Variants in POLR3F observed in about 807,000 individuals in gnomAD.
POLR3F encodes RNA polymerase III subunit F.
POLR3F carries 31 observed loss-of-function variants against 43.6 expected under a neutral mutation model. That is an observed-to-expected ratio of 0.71 (90% confidence interval 0.53 to 0.96). The LOEUF is 0.96. Among genes scored for constraint, POLR3F ranks in the 40% least tolerant of loss-of-function variants. POLR3F has a pLI of 0.00. For missense variants in POLR3F, 316 were observed against 391.7 expected (o/e 0.81, Z 1.63); for synonymous variants, 114 against 132.5 (o/e 0.86, Z 0.96).
chr20:18,482,904 A>G (rs2059818041), intron 8 of POLR3F, among the ~76,000 whole-genome samples: 1 of 152,208 alleles, frequency 6.6e-6, no homozygotes, highest in Non-Finnish European at 1.5e-5. Context: ...TAAGTCATTC[A>G]TATGTATAGG....
chr20:18,477,169 T>G (rs1207764450), intron 5 of POLR3F, among the ~76,000 whole-genome samples: 2 of 151,430 alleles, frequency 1.3e-5, no homozygotes, highest in Non-Finnish European at 2.9e-5. Flanking sequence ...GACATACAGA[T>G]GGCAGATAAG....
intron 4 of POLR3F, among the ~76,000 whole-genome samples, chr20:18,474,734 C>G (rs1177100137): frequency 6.6e-6 from 1 of 152,076 alleles, no homozygotes; most frequent in African/African-American, 2.4e-5. Flanking sequence ...GTTGGCCAGG[C>G]TGGTCTCAAA....
rs749125346 is a variant in POLR3F, at chr20:18,480,118, G to A, written c.510G>A (p.Gln170=). 8.7e-6 allele frequency: 14 copies of A among 1,612,634 alleles called. No individual in the cohort carries two copies. In the South Asian group the frequency reaches 1.5e-4, roughly 18 times the overall value. Residue 170 remains glutamine (Q), a synonymous_variant, in exon 6 of 9, where the codon CAG becomes CAA. Coordinates refer to ENST00000377603, the MANE Select transcript of POLR3F (RefSeq NM_006466.4). ...CTGGTGGAGCCTGGTACAGTGACCA[G>A]GATTTTGAATCTGAATTTGTAGAGG... The part of the protein sequence containing the change: ...SVTGGAWYSD[Q]DFESEFVEVL...
chr20:18,481,647 C>T lies in POLR3F; in HGVS notation c.710C>T (p.Thr237Ile). Residue 237 changes from threonine (T) to isoleucine (I), a missense_variant, in exon 8 of 9, where the codon ACC (threonine) becomes ATC (isoleucine). Around this residue, in one of 3 missense-constraint regions of POLR3F, gnomAD observed 109 missense variants for 177.7 expected, o/e 0.61. Transcript: ENST00000377603. ...GAGTTATCCATGGAAGACATTGAAA[C>T]CATCCTGAATACACTCATTTATGAT... The part of the protein sequence containing the change: ...KVELSMEDIE[T>I]ILNTLIYDGK... 6.2e-7 allele frequency: 1 copy of T among 1,612,128 alleles called. No individual in the cohort carries two copies. Among genetic ancestry groups the T allele is most frequent in the Non-Finnish European group, 8.5e-7 (1 of 1,178,198 alleles).
In POLR3F at chr20:18,475,113, C is replaced by A; in HGVS notation, c.355C>A (p.Pro119Thr). The A allele has an allele frequency of 6.5e-7, 1 of 1,527,716 alleles. No individual in the cohort carries two copies. The highest frequency in any genetic ancestry group is 9.1e-7 in the Non-Finnish European group (1 of 1,102,468). 94.6% of individuals were successfully genotyped at this position (1,527,716 alleles called of 1,614,324 possible). ...SRDIRYKSNL[P>T]LTEINKILKN... ...AGATATCCGCTATAAAAGTAATTTG[C>A]CATTAACAGAAATCAACAAAATTCT... is the stretch of plus-strand genomic sequence containing the variant. Residue 119 changes from proline (P) to threonine (T), a missense_variant, in exon 5 of 9, where the codon CCA becomes ACA. Transcript: ENST00000377603.
chr20:18,470,315 C>T (rs2059742406), intron 2 of POLR3F, among the ~76,000 whole-genome samples: 1 of 152,182 alleles, frequency 6.6e-6, no homozygotes, highest in Non-Finnish European at 1.5e-5. Flanking sequence ...TTAAACCTTT[C>T]CCATCAATTT....
Position 18,469,022 on chromosome 20 carries a change from C to G in POLR3F, c.141C>G (p.Ala47=). The G allele has an allele frequency of 6.3e-7, 1 of 1,592,904 alleles. No homozygotes were observed. The highest frequency in any genetic ancestry group is 8.6e-7 in the Non-Finnish European group (1 of 1,160,652). Reference sequence around the variant, plus strand: ...AGAATGAAATGCCTCATATAGAAGCCCAGCAGCGGGCAGTAGCCATCAATA... The same window carrying G: ...AGAATGAAATGCCTCATATAGAAGCGCAGCAGCGGGCAGTAGCCATCAATA... The part of the protein sequence containing the change: ...VIQNEMPHIE[A]QQRAVAINRL... The change falls in exon 2 of 9, where the codon GCC becomes GCG. Residue 47 remains alanine (A), a synonymous_variant. Transcript: ENST00000377603.
At position 18,467,418 on chromosome 20, in the gene POLR3F, G is replaced by T; in HGVS notation, c.-89G>T. On this transcript the variant is annotated 5_prime_UTR_variant, in exon 1 of 9. Transcript: ENST00000377603. ...GAAGGCCCCTCGGCCTCAGCAGAGC[G>T]CTATCCTCCACTGGTTCCCCGGGTT... 1 of 1,427,774 alleles carries T rather than the reference G, an allele frequency of 7.0e-7. No individual in the cohort carries two copies. Among genetic ancestry groups the T allele is most frequent in the Non-Finnish European group, 9.9e-7 (1 of 1,012,744 alleles). 88.4% of individuals were successfully genotyped at this position (1,427,774 alleles called of 1,614,324 possible).
At chr20:18,471,610 C>T (rs895881402) in intron 2 of POLR3F, among the ~76,000 whole-genome samples, 6 of 152,174 alleles carry the variant, frequency 3.9e-5, no homozygotes, top group African/African-American at 9.7e-5. Context: ...TTTGCCACTT[C>T]GTGGGGTCAG....
chr20:18,479,093 T>C (rs901576415), intron 5 of POLR3F, among the ~76,000 whole-genome samples: 3 of 148,782 alleles, frequency 2.0e-5, no homozygotes, highest in Non-Finnish European at 4.5e-5. Flanking sequence ...TGCAGTAAGC[T>C]GAGATCGTGT....
At chr20:18,478,914 G>A (rs1003375683) in intron 5 of POLR3F, among the ~76,000 whole-genome samples, 2 of 151,930 alleles carry the variant, frequency 1.3e-5, no homozygotes, top group Non-Finnish European at 2.9e-5. Context: ...AGGCCAAGGA[G>A]GGTGGATCAC....
chr20:18,477,081 GAA>G (rs200618300), intron 5 of POLR3F, among the ~76,000 whole-genome samples: 25 of 91,202 alleles, frequency 2.7e-4, no homozygotes, highest in East Asian at 2.8e-4. Context: ...CTCAAAAAAA[GAA>G]AAAAAAAAAA....
At chr20:18,480,658 T>C in intron 7 of POLR3F, 149 bp downstream of exon 7, 1 of 632,156 alleles carries the variant, frequency 1.6e-6, no homozygotes, top group Non-Finnish European at 2.8e-6. Flanking sequence ...AATACTGTCC[T>C]GTATCTTAGG....
Position 18,472,877 on chromosome 20 carries a change from T to C in POLR3F, c.216T>C (p.Leu72=). The change falls in exon 3 of 9, where the codon CTT becomes CTC. Residue 72 remains leucine, a synonymous_variant. Transcript: ENST00000377603. The part of the protein sequence containing the change: ...QLDLLRSNTG[L]LYRIKDSQNA... ...ATCTCTTAAGGAGCAATACGGGCCT[T>C]TTATATAGAATAAAGGACTCTCAGA... 1.3e-6 allele frequency: 2 copies of C among 1,520,026 alleles called. No individual in the cohort carries two copies. The highest frequency in any genetic ancestry group is 1.8e-6 in the Non-Finnish European group (2 of 1,106,102). The allele number at this position is 1,520,026 out of a possible 1,614,324, so 94.2% of individuals were successfully genotyped here.
Position 18,480,473 on chromosome 20 carries a change from A to G in POLR3F, c.645A>G (p.Glu215=), listed in dbSNP as rs2059804191. Residue 215 remains glutamate, a synonymous_variant, in exon 7 of 9, where the codon GAA becomes GAG. Coordinates refer to ENST00000377603, the MANE Select transcript of POLR3F (RefSeq NM_006466.4). ...QRNSSFASSH[E]VWKYICELGI... is the part of the protein sequence containing the mutation. Reference sequence around the variant, plus strand: ...ATAGTTCATTTGCCTCATCACATGAAGTGTGGAAATATATCTGCGAATTGG... The same window carrying G: ...ATAGTTCATTTGCCTCATCACATGAGGTGTGGAAATATATCTGCGAATTGG... 6.2e-7 allele frequency: 1 copy of G among 1,609,188 alleles called. No homozygotes were observed. The highest frequency in any genetic ancestry group is 8.5e-7 in the Non-Finnish European group (1 of 1,175,602).
At chr20:18,470,303 T>A (rs1028956621) in intron 2 of POLR3F, among the ~76,000 whole-genome samples, 10 of 152,220 alleles carry the variant, frequency 6.6e-5, no homozygotes, top group African/African-American at 2.4e-4. Flanking sequence ...ATGAATCTTT[T>A]CTTAAACCTT....
At position 18,467,468 on chromosome 20, in the gene POLR3F, C is replaced by T. The variant is rs764647786; in HGVS notation, c.-39C>T. 15 of 1,612,108 alleles carry T rather than the reference C, an allele frequency of 9.3e-6. No homozygotes were observed. Among genetic ancestry groups the T allele is most frequent in the Admixed American group, 1.7e-5 (1 of 60,030 alleles). ...TCCCCGGCTTGCTACCGGGCTGCTC[C>T]GTGCATCTTTCCCCCCAGGCGTCAG... is the stretch of plus-strand genomic sequence containing the variant. On this transcript the variant is annotated 5_prime_UTR_variant, in exon 1 of 9. Coordinates refer to ENST00000377603, the MANE Select transcript of POLR3F (RefSeq NM_006466.4).
At position 18,480,727 on chromosome 20, in the gene POLR3F, T is replaced by G. The variant is rs139456706; in HGVS notation, c.681+218T>G. On this transcript the variant is annotated intron_variant, in intron 7 of 8. Coordinates refer to ENST00000377603, the MANE Select transcript of POLR3F (RefSeq NM_006466.4). The stretch of plus-strand genomic sequence containing the variant: ...ACTGATACTCAGCTTGGGACACTGA[T>G]GCTTTTTTTATTTTTTTGGAGGTAG... Among the ~76,000 whole-genome samples, 712 of 152,292 alleles carry G rather than the reference T, an allele frequency of 4.7e-3. 4 individuals carry two copies. Among genetic ancestry groups the G allele is most frequent in the African/African-American group, 0.016 (683 of 41,556 alleles).
intron 5 of POLR3F, among the ~76,000 whole-genome samples, chr20:18,477,788 AATAGG>A (rs551933250): frequency 1.3e-5 from 2 of 152,328 alleles, no homozygotes; most frequent in African/African-American, 4.8e-5. Context: ...GGGAAAGTTG[AATAGG>A]TGAAGCATGA....
Sources: allele counts gnomAD v4.1 joint callset (sites outside exome capture counted in the v4.1 genomes callset), GRCh38; gene constraint gnomAD v4.1.1; regional missense constraint gnomAD v4.1.1; transcripts MANE v1.5; gene names NCBI Gene and HGNC (gene_info 2026-07-23, HGNC 2026-07-21).